Variants in PTPRD observed in about 807,000 individuals in gnomAD.
The protein encoded by PTPRD is receptor-type tyrosine-protein phosphatase delta.
A neutral mutation model predicts 214.5 loss-of-function variants in PTPRD; 34 were observed. That is an observed-to-expected ratio of 0.16 (90% CI 0.12 to 0.21). The LOEUF (loss-of-function observed/expected upper bound fraction) is 0.21, where lower values mean the gene tolerates loss of function less well. Among genes scored for constraint, PTPRD ranks in the 10% least tolerant of loss-of-function variants. The pLI, the probability that PTPRD is intolerant of heterozygous loss-of-function variation, is 1.00. For missense variants in PTPRD, 2,545 were observed against 2,398.7 expected (o/e 1.06, Z -1.27); for synonymous variants, 1,128 against 845.7 (o/e 1.33, Z -5.79).
chr9:10,587,087 A>G (rs757404556), intron 2 of PTPRD, among the ~76,000 whole-genome samples: 6 of 152,132 alleles, frequency 3.9e-5, no homozygotes, highest in Non-Finnish European at 7.4e-5. Context: ...AAATCACATG[A>G]GGTGTTATTA....
chr9:9,445,090 T>C (rs753610341), intron 8 of PTPRD, among the ~76,000 whole-genome samples: 7 of 152,180 alleles, frequency 4.6e-5, no homozygotes, highest in Non-Finnish European at 7.3e-5. Flanking sequence ...TGTAAGATTT[T>C]TGCACTTGGT....
rs144719567 is a variant in PTPRD at position 9,010,933 on chromosome 9, G to A, written c.-104+7764C>T. ...ACCAAGGGCGTCCTCACGAAAGTAT[G>A]AATAAATACCATTATTTTTAAATTT... On this transcript the variant is annotated intron_variant, in intron 11 of 45. Transcript: ENST00000381196. Among the ~76,000 whole-genome samples, 56 of 152,196 alleles carry A rather than the reference G, an allele frequency of 3.7e-4. 1 individual carries two copies. In the East Asian group the frequency reaches 0.01, roughly 28 times the overall value.
At chr9:8,370,772 T>C (rs919152319) in intron 39 of PTPRD, among the ~76,000 whole-genome samples, 2 of 152,018 alleles carry the variant, frequency 1.3e-5, no homozygotes, top group Non-Finnish European at 2.9e-5. Flanking sequence ...AAAACCATCA[T>C]GGGACCTAAA....
chr9:9,772,267 T>G (rs1463240708), intron 5 of PTPRD, among the ~76,000 whole-genome samples: 14 of 151,970 alleles, frequency 9.2e-5, no homozygotes. Flanking sequence ...TCAGAAGAAA[T>G]TAACCTTGCT....
intron 9 of PTPRD, among the ~76,000 whole-genome samples, chr9:9,394,708 A>G (rs886908037): frequency 6.6e-6 from 1 of 152,088 alleles, no homozygotes; most frequent in African/African-American, 2.4e-5. Context: ...AGAATAGTAT[A>G]TATACATTAT....
chr9:9,788,620 T>C (rs1276164349), intron 5 of PTPRD, among the ~76,000 whole-genome samples: 4 of 151,980 alleles, frequency 2.6e-5, no homozygotes, highest in South Asian at 2.1e-4. Flanking sequence ...TAATGGATTT[T>C]ATTTAAATCC....
Position 10,570,494 on chromosome 9 carries a change from G to A in PTPRD, c.-600+41904C>T, listed in dbSNP as rs980498835. ...ATTGATGAACACATATAGTATGAGC[G>A]GAAGAATAGAACAAACCTTATGTAA... is the stretch of plus-strand genomic sequence containing the variant. On this transcript the variant is annotated intron_variant, in intron 2 of 45. Coordinates refer to ENST00000381196, the MANE Select transcript of PTPRD (RefSeq NM_002839.4). 1.7e-4 allele frequency among the ~76,000 whole-genome samples: 26 copies of A among 152,090 alleles called. 1 individual carries two copies. The highest frequency in any genetic ancestry group is 2.4e-4 in the Non-Finnish European group (16 of 67,990).
intron 3 of PTPRD, among the ~76,000 whole-genome samples, chr9:10,278,027 G>C (rs2094825477): frequency 6.6e-6 from 1 of 152,072 alleles, no homozygotes; most frequent in Non-Finnish European, 1.5e-5. Context: ...GGGTGTGGTG[G>C]CGGACGCCTG....
chr9:10,058,178 A>G (rs1486302145), intron 3 of PTPRD, among the ~76,000 whole-genome samples: 1 of 152,020 alleles, frequency 6.6e-6, no homozygotes, highest in Non-Finnish European at 1.5e-5. Flanking sequence ...ATTCTCATTG[A>G]GAAAACAAAA....
At chr9:10,538,217 A>G (rs543345050) in intron 2 of PTPRD, among the ~76,000 whole-genome samples, 13 of 151,244 alleles carry the variant, frequency 8.6e-5, no homozygotes, top group Non-Finnish European at 1.3e-4. Context: ...CTGTGGATAG[A>G]GAGGTGAGAA....
chr9:8,464,937 T>C (rs1473387139), intron 32 of PTPRD, among the ~76,000 whole-genome samples: 1 of 151,906 alleles, frequency 6.6e-6, no homozygotes, highest in African/African-American at 2.4e-5. Flanking sequence ...ACCTTCCTCA[T>C]GAATCCGGGT....
chr9:10,100,777 C>T (rs1234359192), intron 3 of PTPRD, among the ~76,000 whole-genome samples: 1 of 151,500 alleles, frequency 6.6e-6, no homozygotes, highest in Non-Finnish European at 1.5e-5. Context: ...TCTTACTTTA[C>T]CTATTGATCC....
intron 9 of PTPRD, among the ~76,000 whole-genome samples, chr9:9,381,682 TTTTGTTG>T (rs1253382001): frequency 5.5e-4 from 81 of 148,514 alleles, no homozygotes; most frequent in Non-Finnish European, 9.1e-4. Flanking sequence ...GTTTGTTTTT[TTTTGTTG>T]TTTTGTTTTT....
chr9:8,884,387 T>C (rs542422620), intron 11 of PTPRD, among the ~76,000 whole-genome samples: 1 of 152,200 alleles, frequency 6.6e-6, no homozygotes, highest in African/African-American at 2.4e-5. Context: ...TACAACTTGG[T>C]TGAAGTGGAA....
At chr9:9,743,393 A>T (rs1046611071) in intron 6 of PTPRD, among the ~76,000 whole-genome samples, 1 of 152,128 alleles carries the variant, frequency 6.6e-6, no homozygotes, top group Non-Finnish European at 1.5e-5. Flanking sequence ...TAAACAGAAG[A>T]TCTTAATGCC....
intron 34 of PTPRD, among the ~76,000 whole-genome samples, chr9:8,442,745 A>G (rs899112901): frequency 1.3e-5 from 2 of 152,178 alleles, no homozygotes; most frequent in African/African-American, 2.4e-5. Flanking sequence ...TGTTATTTGT[A>G]TCACAAACTA....
At chr9:9,147,589 A>G (rs183912612) in intron 10 of PTPRD, among the ~76,000 whole-genome samples, 4 of 152,154 alleles carry the variant, frequency 2.6e-5, no homozygotes, top group Admixed American at 2.0e-4. Context: ...ATGTCCATGA[A>G]TAAAGCTTTC....
intron 10 of PTPRD, among the ~76,000 whole-genome samples, chr9:9,049,650 G>C (rs775394286): frequency 6.6e-6 from 1 of 152,106 alleles, no homozygotes; most frequent in Non-Finnish European, 1.5e-5. Flanking sequence ...CATTTGAATA[G>C]CAGTGTAGAG....
At chr9:8,558,012 T>A (rs1404058448) in intron 14 of PTPRD, among the ~76,000 whole-genome samples, 1 of 152,014 alleles carries the variant, frequency 6.6e-6, no homozygotes, top group Non-Finnish European at 1.5e-5. Context: ...GAAAAAAAAT[T>A]ATGTAACTAA....
Sources: allele counts gnomAD v4.1 joint callset (sites outside exome capture counted in the v4.1 genomes callset), GRCh38; gene constraint gnomAD v4.1.1; transcripts MANE v1.5; gene names NCBI Gene and HGNC (gene_info 2026-07-23, HGNC 2026-07-21).